ELOVL5: variants seen among roughly 807,000 people sequenced by gnomAD.
ELOVL5 encodes very long chain fatty acid elongase 5.
In ELOVL5, 8 loss-of-function variants were observed where a neutral mutation model predicts 38.6. The ratio of observed to expected loss-of-function variants is 0.21; its 90% CI spans 0.12 to 0.37. ELOVL5 has a LOEUF of 0.37. Among genes scored for constraint, ELOVL5 ranks in the 10% least tolerant of loss-of-function variants. The pLI, the probability that ELOVL5 is intolerant of heterozygous loss-of-function variation, is 1.00. For synonymous variants in ELOVL5, 127 were observed against 133.7 expected (o/e 0.95, Z 0.34); for missense variants, 280 against 367.8 (o/e 0.76, Z 1.95).
intron 2 of ELOVL5, among the ~76,000 whole-genome samples, chr6:53,292,763 C>T (rs559774565): frequency 2.0e-5 from 3 of 152,240 alleles, no homozygotes; most frequent in South Asian, 2.1e-4. Flanking sequence ...TGCACCCCAG[C>T]GTGGGCAACA....
chr6:53,342,764 G>T (rs1769382761), intron 1 of ELOVL5, among the ~76,000 whole-genome samples: 1 of 152,032 alleles, frequency 6.6e-6, no homozygotes, highest in Non-Finnish European at 1.5e-5. Flanking sequence ...TCAAATAAAA[G>T]GTAAAAAAGT....
Position 53,296,266 on chromosome 6 carries a change from C to T in ELOVL5, c.-8-559G>A, listed in dbSNP as rs571397132. ...CTTCCCTCAACCTCAATCCCCAAGC[C>T]ACGCATCACAAGGAACCTAATGGTA... On this transcript the variant is annotated intron_variant, in intron 1 of 7. Transcript: ENST00000304434. 2.6e-5 allele frequency among the ~76,000 whole-genome samples: 4 copies of T among 152,172 alleles called. No individual in the cohort carries two copies. The South Asian group carries it at 8.3e-4, about 32-fold the overall frequency.
At chr6:53,274,244 G>GAAGA (rs59657280) in intron 5 of ELOVL5, among the ~76,000 whole-genome samples, 57,226 of 151,680 alleles carry the variant, frequency 0.38, 12,323 homozygotes, top group African/African-American at 0.6. Flanking sequence ...ACAGTGGGAG[G>GAAGA]AAGAGCAGAA....
chr6:53,315,629 G>A (rs927642486), intron 1 of ELOVL5, among the ~76,000 whole-genome samples: 4 of 152,102 alleles, frequency 2.6e-5, no homozygotes, highest in South Asian at 2.1e-4. Flanking sequence ...TATATTAGTT[G>A]TTCTTAAATT....
chr6:53,297,131 CGAAGGCACCAGCTCCCT>C (rs960942818), intron 1 of ELOVL5, among the ~76,000 whole-genome samples: 48 of 151,994 alleles, frequency 3.2e-4, no homozygotes, highest in Admixed American at 4.6e-4. Context: ...TGGCTGGAAA[CGAAGGCACCAGCTCCCT>C]GAAGGCACCA....
At chr6:53,292,716 GGGA>G (rs1433189981) in intron 2 of ELOVL5, among the ~76,000 whole-genome samples, 6 of 152,198 alleles carry the variant, frequency 3.9e-5, no homozygotes, top group African/African-American at 1.4e-4. Flanking sequence ...GCTTGAAATT[GGGA>G]GGAAGAGGCT....
chr6:53,273,437 A>C (rs1367096284), intron 5 of ELOVL5, 93 bp from the exon 6 acceptor site: 5 of 1,220,162 alleles, frequency 4.1e-6, no homozygotes, highest in Non-Finnish European at 5.8e-6. Context: ...TTCTTTTTGA[A>C]TCAGAAAGAG....
rs151040513 is a variant in ELOVL5 at position 53,288,936 on chromosome 6, T to C, written c.246+2840A>G. ...CAAAACTTAGCTAGACGTGGTGGCA[T>C]GCTCCTGTAGTCCCAGCCACTTGGG... is the stretch of plus-strand genomic sequence containing the variant. On this transcript the variant is annotated intron_variant, in intron 3 of 7. Coordinates refer to ENST00000304434, the MANE Select transcript of ELOVL5 (RefSeq NM_021814.5). Among the ~76,000 whole-genome samples, 592 of 152,220 alleles carry C rather than the reference T, an allele frequency of 3.9e-3. 7 individuals are homozygous for C. The highest frequency in any genetic ancestry group is 0.013 in the African/African-American group (559 of 41,526).
At chr6:53,319,270 C>CAAAAAA (rs59435925) in intron 1 of ELOVL5, among the ~76,000 whole-genome samples, 4 of 74,890 alleles carry the variant, frequency 5.3e-5, no homozygotes, top group Non-Finnish European at 9.5e-5. Context: ...GACTCCATCT[C>CAAAAAA]AAAAAAAAAA....
In ELOVL5 at chr6:53,267,521, T is replaced by A. The variant is rs1163678775; in HGVS notation, c.*1606A>T. The A allele has an allele frequency of 6.6e-6, 1 of 152,666 alleles. No homozygotes were observed. The allele number at this position is 152,666 out of a possible 1,614,324, so 9.5% of individuals were successfully genotyped here. The stretch of plus-strand genomic sequence containing the variant: ...ATGTTATAGTTTCTGTATTGAAATA[T>A]GTAAAGACATCTGCAAATTAGTACC... On this transcript the variant is annotated 3_prime_UTR_variant, in exon 8 of 8. Transcript: ENST00000304434.
chr6:53,348,022 G>GCCCC (rs35065809), intron 1 of ELOVL5, among the ~76,000 whole-genome samples: 11 of 146,716 alleles, frequency 7.5e-5, no homozygotes, highest in Non-Finnish European at 1.2e-4. Context: ...GAGCACAACC[G>GCCCC]CCCCCCCGCC....
chr6:53,319,157 GC>G (rs1225747440), intron 1 of ELOVL5, among the ~76,000 whole-genome samples: 1 of 151,688 alleles, frequency 6.6e-6, no homozygotes, highest in Non-Finnish European at 1.5e-5. Flanking sequence ...TGTAGTCCCA[GC>G]TACTCGGGAG....
At chr6:53,291,465 T>C (rs578158153) in intron 3 of ELOVL5, among the ~76,000 whole-genome samples, 165 of 152,352 alleles carry the variant, frequency 1.1e-3, no homozygotes, top group Admixed American at 3.2e-3. Flanking sequence ...TTTTGTTCAT[T>C]TTCCACTCTG....
intron 4 of ELOVL5, among the ~76,000 whole-genome samples, chr6:53,275,686 GA>G (rs1357153815): frequency 6.6e-6 from 1 of 152,194 alleles, no homozygotes; most frequent in Admixed American, 6.5e-5. Context: ...TGACACAGAA[GA>G]AAAGGAATCA....
chr6:53,309,058 C>T (rs1214848364), intron 1 of ELOVL5, among the ~76,000 whole-genome samples: 1 of 152,030 alleles, frequency 6.6e-6, no homozygotes, highest in Non-Finnish European at 1.5e-5. Context: ...GGATTTTTTA[C>T]CGGTAAGCTC....
At chr6:53,320,441 A>G (rs1768255122) in intron 1 of ELOVL5, among the ~76,000 whole-genome samples, 1 of 151,618 alleles carries the variant, frequency 6.6e-6, no homozygotes, top group Non-Finnish European at 1.5e-5. Context: ...GGTTCATGCC[A>G]TTCTCCTGCC....
At chr6:53,270,854 A>C in intron 6 of ELOVL5, 127 bp from the exon 7 acceptor site, 1 of 1,019,340 alleles carries the variant, frequency 9.8e-7, no homozygotes, top group Admixed American at 2.4e-5. Flanking sequence ...CTGCAGGTAC[A>C]GCAGTCACTT....
intron 1 of ELOVL5, among the ~76,000 whole-genome samples, chr6:53,302,465 G>A (rs746334241): frequency 2.6e-5 from 4 of 152,290 alleles, no homozygotes; most frequent in Non-Finnish European, 5.9e-5. Context: ...GGGTTAATGA[G>A]GAGAAGGCAC....
chr6:53,287,687 G>A lies in ELOVL5; in HGVS notation c.246+4089C>T, dbSNP rs72938776. 0.017 allele frequency among the ~76,000 whole-genome samples: 2,641 copies of A among 152,318 alleles called. 34 individuals carry two copies. The highest frequency in any genetic ancestry group is 0.029 in the Non-Finnish European group (1,991 of 68,020). On this transcript the variant is annotated intron_variant, in intron 3 of 7. Transcript: ENST00000304434. ...TGCCAGGCAGAAGTGGGAGTTTTAA[G>A]GGGTAGAGCCCAGAAGAATGAAAGA... is the stretch of plus-strand genomic sequence containing the variant.
Sources: allele counts gnomAD v4.1 joint callset (sites outside exome capture counted in the v4.1 genomes callset), GRCh38; gene constraint gnomAD v4.1.1; transcripts MANE v1.5; gene names NCBI Gene and HGNC (gene_info 2026-07-23, HGNC 2026-07-21).